Variants in ACAD11 observed in about 807,000 individuals in gnomAD.
ACAD11 encodes acyl-Coenzyme A dehydrogenase family, member 11.
Under a neutral mutation model 102.2 loss-of-function variants are expected in ACAD11, and 83 were observed. The ratio of observed to expected loss-of-function variants is 0.81; its 90% CI spans 0.68 to 0.97. ACAD11 has a LOEUF of 0.97. Ranked by LOEUF, ACAD11 falls within the 50% of genes least tolerant of loss-of-function variation. ACAD11 has a pLI of 0.00. For synonymous variants in ACAD11, 324 were observed against 319.8 expected (o/e 1.01, Z -0.14); for missense variants, 901 against 951.7 (o/e 0.95, Z 0.70).
chr3:132,559,204 CAGGGTA>C, intron 19 of ACAD11, 119 bp from the exon 20 acceptor site: 1 of 756,594 alleles, frequency 1.3e-6, no homozygotes, highest in Non-Finnish European at 2.2e-6. Flanking sequence ...CCACCAAGGT[CAGGGTA>C]AGAAAAAGGG....
intron 8 of ACAD11, 67 bp downstream of exon 8, chr3:132,628,273 G>T: frequency 2.7e-6 from 3 of 1,097,488 alleles, no homozygotes; most frequent in South Asian, 1.4e-5. Flanking sequence ...CTCCCCTAAA[G>T]TGTATAACCT....
intron 11 of ACAD11, among the ~76,000 whole-genome samples, chr3:132,614,831 T>G (rs1332381285): frequency 6.6e-6 from 1 of 152,128 alleles, no homozygotes; most frequent in Admixed American, 6.5e-5. Context: ...AAATAGGATC[T>G]AATTAAACTA....
chr3:132,657,287 T>C (rs1004100260), intron 1 of ACAD11, among the ~76,000 whole-genome samples: 2 of 152,232 alleles, frequency 1.3e-5, no homozygotes, highest in African/African-American at 2.4e-5. Flanking sequence ...CAAACTTCTA[T>C]AAATATGTGG....
At chr3:132,633,396 A>G (rs1940131829) in intron 5 of ACAD11, among the ~76,000 whole-genome samples, 1 of 152,142 alleles carries the variant, frequency 6.6e-6, no homozygotes, top group Non-Finnish European at 1.5e-5. Context: ...GCGTATGTTG[A>G]ACCAGCCTTG....
intron 17 of ACAD11, among the ~76,000 whole-genome samples, chr3:132,568,236 A>G (rs1937268493): frequency 6.6e-6 from 1 of 152,168 alleles, no homozygotes; most frequent in African/African-American, 2.4e-5. Context: ...TCAAAAAAAC[A>G]AAACAAAAAA....
intron 9 of ACAD11, among the ~76,000 whole-genome samples, chr3:132,624,038 G>A (rs1180755997): frequency 7.6e-6 from 1 of 131,974 alleles, no homozygotes; most frequent in Admixed American, 9.6e-5. Flanking sequence ...AAGTTGTTCA[G>A]GTGCAGGTGC....
intron 14 of ACAD11, 88 bp downstream of exon 14, chr3:132,579,404 C>A: frequency 1.9e-6 from 2 of 1,067,110 alleles, no homozygotes; most frequent in South Asian, 1.4e-5. Context: ...TTTGTGAGTC[C>A]AAACAGTGAA....
At chr3:132,612,529 G>GA (rs901982009) in intron 11 of ACAD11, among the ~76,000 whole-genome samples, 1 of 151,732 alleles carries the variant, frequency 6.6e-6, no homozygotes, top group African/African-American at 2.4e-5. Context: ...AAATTTACAA[G>GA]AAAAAAACAA....
chr3:132,642,472 T>G (rs1011036554), intron 3 of ACAD11, among the ~76,000 whole-genome samples: 1 of 152,216 alleles, frequency 6.6e-6, no homozygotes, highest in African/African-American at 2.4e-5. Flanking sequence ...TACCCCCTAA[T>G]TACTAAATTT....
At chr3:132,641,106 T>C (rs973392333) in intron 4 of ACAD11, among the ~76,000 whole-genome samples, 1 of 152,190 alleles carries the variant, frequency 6.6e-6, no homozygotes, top group East Asian at 1.9e-4. Context: ...GTGAATGACA[T>C]GCATGTACAG....
chr3:132,615,668 G>A (rs531165297), intron 11 of ACAD11, among the ~76,000 whole-genome samples: 7 of 152,150 alleles, frequency 4.6e-5, no homozygotes, highest in African/African-American at 7.2e-5. Flanking sequence ...ACATATCAGC[G>A]CCTGTCGCAA....
intron 11 of ACAD11, among the ~76,000 whole-genome samples, chr3:132,615,960 T>C (rs1192402371): frequency 1.3e-5 from 2 of 152,216 alleles, no homozygotes; most frequent in Admixed American, 6.5e-5. Flanking sequence ...GTTTCCCATA[T>C]GTTTTATAAC....
At chr3:132,569,488 A>T (rs1937315427) in intron 17 of ACAD11, among the ~76,000 whole-genome samples, 1 of 152,226 alleles carries the variant, frequency 6.6e-6, no homozygotes, top group Non-Finnish European at 1.5e-5. Flanking sequence ...CTGAGAAACG[A>T]AAAATTATAT....
chr3:132,578,038 T>G (rs1426306787), intron 15 of ACAD11, among the ~76,000 whole-genome samples: 1 of 152,142 alleles, frequency 6.6e-6, no homozygotes, highest in Non-Finnish European at 1.5e-5. Context: ...CACTTGAACA[T>G]ATTCATTAGT....
chr3:132,645,289 G>A (rs1195986193), intron 1 of ACAD11, among the ~76,000 whole-genome samples: 2 of 152,200 alleles, frequency 1.3e-5, no homozygotes, highest in East Asian at 3.8e-4. Context: ...TGCAGGAACA[G>A]CTGGCTTAAT....
rs771880266 is a variant in ACAD11, at chr3:132,559,101, A to C, written c.2229-16T>G. 2 of 1,569,098 alleles carry C rather than the reference A, an allele frequency of 1.3e-6. No individual in the cohort carries two copies. Among genetic ancestry groups the C allele is most frequent in the Non-Finnish European group, 1.8e-6 (2 of 1,139,074 alleles). On this transcript the variant is annotated splice_polypyrimidine_tract_variant and intron_variant, in intron 19 of 19. Transcript: ENST00000264990. ...TATAGCATACCTGAAAAAGCAAAAG[A>C]ATCAGGGAACACAGGGAGTTATGGA... is the stretch of plus-strand genomic sequence containing the variant.
chr3:132,570,601 G>A (rs766701487), intron 17 of ACAD11, among the ~76,000 whole-genome samples: 11 of 151,708 alleles, frequency 7.3e-5, no homozygotes, highest in South Asian at 2.1e-4. Context: ...AGATTATTTC[G>A]TCACTCAGGT....
At position 132,642,789 on chromosome 3, in the gene ACAD11, A is replaced by C. The variant is rs147295092; in HGVS notation, c.263T>G (p.Phe88Cys). Residue 88 changes from phenylalanine to cysteine, a missense_variant, in exon 3 of 20, where the codon TTT (phenylalanine) becomes TGT (cysteine). Physicochemically the swap from Phe to Cys is radical, Grantham distance 205. Coordinates refer to ENST00000264990, the MANE Select transcript of ACAD11 (RefSeq NM_032169.5). Reference sequence around the variant, plus strand: ...TGAAAACAAGGCTTTCTGGACTTTAAATTCTCTATCAATCTAAATAGGATG... The same window carrying C: ...TGAAAACAAGGCTTTCTGGACTTTACATTCTCTATCAATCTAAATAGGATG... Reference protein sequence around the residue: ...LPKAHQIDREFKVQKALFSIG... With the variant: ...LPKAHQIDRECKVQKALFSIG... 1.4e-5 allele frequency: 23 copies of C among 1,611,812 alleles called. No individual in the cohort carries two copies. In the African/African-American group the frequency reaches 2.4e-4, roughly 17 times the overall value.
chr3:132,607,976 TAAAGA>T (rs759470375), intron 11 of ACAD11, among the ~76,000 whole-genome samples: 1 of 152,102 alleles, frequency 6.6e-6, no homozygotes, highest in Non-Finnish European at 1.5e-5. Context: ...TCAACATTCT[TAAAGA>T]AAAGAAATTT....
Sources: allele counts gnomAD v4.1 joint callset (sites outside exome capture counted in the v4.1 genomes callset), GRCh38; gene constraint gnomAD v4.1.1; transcripts MANE v1.5; gene names NCBI Gene and HGNC (gene_info 2026-07-23, HGNC 2026-07-21).